Variants in FGF14 observed in about 807,000 individuals in gnomAD.
FGF14 encodes fibroblast growth factor homologous factor 4.
Under a neutral mutation model 25.5 loss-of-function variants are expected in FGF14, and 5 were observed. The ratio of observed to expected loss-of-function variants is 0.20; its 90% CI spans 0.10 to 0.41. The LOEUF is 0.41. Ranked by LOEUF, FGF14 falls within the 10% of genes least tolerant of loss-of-function variation. The pLI is 1.00. For synonymous variants in FGF14, 138 were observed against 118.3 expected (o/e 1.17, Z -1.08); for missense variants, 222 against 320.1 (o/e 0.69, Z 2.34).
At chr13:101,859,308 A>T (rs1415313864) in intron 3 of FGF14, among the ~76,000 whole-genome samples, 3 of 152,168 alleles carry the variant, frequency 2.0e-5, no homozygotes, top group Admixed American at 2.0e-4. Context: ...ATGGAATCAC[A>T]GATTCTGAGA....
chr13:102,122,101 T>C (rs1229534549), intron 1 of FGF14, among the ~76,000 whole-genome samples: 1 of 152,198 alleles, frequency 6.6e-6, no homozygotes, highest in Non-Finnish European at 1.5e-5. Context: ...TGGGATGTAT[T>C]TGCAATTAAA....
At chr13:101,842,870 C>G (rs1056189159) in intron 3 of FGF14, among the ~76,000 whole-genome samples, 7 of 152,020 alleles carry the variant, frequency 4.6e-5, no homozygotes, top group African/African-American at 1.7e-4. Context: ...TATAATTTAT[C>G]CTCCAAGCTG....
chr13:101,761,525 G>T (rs2038028532), intron 3 of FGF14, among the ~76,000 whole-genome samples: 1 of 152,158 alleles, frequency 6.6e-6, no homozygotes, highest in Admixed American at 6.5e-5. Flanking sequence ...ATGCAGAAAG[G>T]TCGACTATAG....
intron 1 of FGF14, among the ~76,000 whole-genome samples, chr13:102,129,548 T>C (rs1292410804): frequency 6.6e-6 from 1 of 152,162 alleles, no homozygotes; most frequent in Non-Finnish European, 1.5e-5. Context: ...GTATATTACA[T>C]GAGTATTTCC....
At chr13:102,027,425 C>G (rs7992716) in intron 1 of FGF14, among the ~76,000 whole-genome samples, 3,630 of 151,878 alleles carry the variant, frequency 0.024, 136 homozygotes, top group African/African-American at 0.081. Context: ...GATACATAAG[C>G]AAATTTCTTC....
chr13:102,360,882 C>G, intron 1 of FGF14, among the ~76,000 whole-genome samples: 1 of 152,084 alleles, frequency 6.6e-6, no homozygotes, highest in South Asian at 2.1e-4. Flanking sequence ...CACACACACA[C>G]ACATACACAC....
intron 1 of FGF14, among the ~76,000 whole-genome samples, chr13:102,207,423 T>C (rs1192428839): frequency 6.6e-6 from 1 of 151,556 alleles, no homozygotes; most frequent in Non-Finnish European, 1.5e-5. Flanking sequence ...CTCAGGGAAA[T>C]TGACAAAAAA....
At chr13:101,806,335 C>A (rs1215588465) in intron 3 of FGF14, among the ~76,000 whole-genome samples, 3 of 150,572 alleles carry the variant, frequency 2.0e-5, no homozygotes, top group Non-Finnish European at 4.4e-5. Flanking sequence ...AGGAGAATTG[C>A]TTGAATCTGG....
intron 1 of FGF14, among the ~76,000 whole-genome samples, chr13:101,903,502 G>A (rs2031839367): frequency 6.6e-6 from 1 of 151,982 alleles, no homozygotes; most frequent in South Asian, 2.1e-4. Flanking sequence ...ATAAATACTG[G>A]GAGGCATTAA....
Position 101,711,196 on chromosome 13 carries a change from A to G in FGF14, c.*11635T>C, listed in dbSNP as rs888958557. 21 of 152,220 alleles carry G rather than the reference A, an allele frequency of 1.4e-4. No homozygotes were observed. Among genetic ancestry groups the G allele is most frequent in the African/African-American group, 5.1e-4 (21 of 41,444 alleles). The allele number at this position is 152,220 out of a possible 1,614,324, so 9.4% of individuals were successfully genotyped here. Reference sequence around the variant, plus strand: ...ATTTATTTGGCTTCAAGACTACACAATTATATCTTTGCCTTGACTACTTCA... The same window carrying G: ...ATTTATTTGGCTTCAAGACTACACAGTTATATCTTTGCCTTGACTACTTCA... On this transcript the variant is annotated 3_prime_UTR_variant, in exon 5 of 5. Coordinates refer to ENST00000376143, the MANE Select transcript of FGF14 (RefSeq NM_004115.4).
rs1323005048 is a variant in FGF14 at position 101,850,543 on chromosome 13, A to C, written c.408+18182T>G. ...TTATATATTCTATATATATATATAT[A>C]TATATATAGAATTATATATTCTATA... On this transcript the variant is annotated intron_variant, in intron 3 of 4. Transcript: ENST00000376143. 1.9e-4 allele frequency among the ~76,000 whole-genome samples: 13 copies of C among 68,338 alleles called. 1 individual carries two copies. The highest frequency in any genetic ancestry group is 7.2e-4 in the African/African-American group (13 of 18,054). 44.8% of individuals were successfully genotyped at this position (68,338 alleles called of 152,430 possible). A position where few individuals can be genotyped will look rare whatever the true frequency, so the allele number is the denominator to read the frequency against.
chr13:101,801,943 G>A lies in FGF14; in HGVS notation c.408+66782C>T. ...CTGCTTGTGCTCTCTTTGTGCAGATGTGCAGAGAAGAACATAAAAAGAAAA... is the reference window on the plus strand; with the variant it reads ...CTGCTTGTGCTCTCTTTGTGCAGATATGCAGAGAAGAACATAAAAAGAAAA... On this transcript the variant is annotated intron_variant, in intron 3 of 4. Coordinates refer to ENST00000376143, the MANE Select transcript of FGF14 (RefSeq NM_004115.4). 6.4e-6 allele frequency: 3 copies of A among 471,860 alleles called. 1 individual carries two copies. Among genetic ancestry groups the A allele is most frequent in the South Asian group, 4.7e-5 (3 of 63,478 alleles). The allele number at this position is 471,860 out of a possible 1,614,324, so 29.2% of individuals were successfully genotyped here.
intron 1 of FGF14, among the ~76,000 whole-genome samples, chr13:101,962,418 C>A (rs34500643): frequency 6.6e-6 from 1 of 151,846 alleles, no homozygotes; most frequent in South Asian, 2.1e-4. Context: ...TGTATCCTGT[C>A]TCTCTTTTCT....
At chr13:102,232,198 C>T (rs922110103) in intron 1 of FGF14, among the ~76,000 whole-genome samples, 2 of 152,120 alleles carry the variant, frequency 1.3e-5, no homozygotes, top group African/African-American at 2.4e-5. Flanking sequence ...CTACAGTTAA[C>T]ATTAAATGTT....
At position 102,030,755 on chromosome 13, in the gene FGF14, A is replaced by G. The variant is rs72662490; in HGVS notation, c.209-155459T>C. ...CCTAGAGGAAAGGTGGCTGTGGGAG[A>G]AGGAGCTACAAACCTCCCTCCAGCT... On this transcript the variant is annotated intron_variant, in intron 1 of 4. Transcript: ENST00000376131. Among the ~76,000 whole-genome samples, 511 of 152,078 alleles carry G rather than the reference A, an allele frequency of 3.4e-3. 1 individual carries two copies. The highest frequency in any genetic ancestry group is 5.8e-3 in the Non-Finnish European group (393 of 67,948).
intron 3 of FGF14, among the ~76,000 whole-genome samples, chr13:101,741,297 T>C (rs1010741206): frequency 2.0e-5 from 3 of 152,036 alleles, no homozygotes; most frequent in Non-Finnish European, 4.4e-5. Flanking sequence ...GATCACACCA[T>C]TGCACTCCAG....
chr13:101,776,116 A>T (rs148058491), intron 3 of FGF14, among the ~76,000 whole-genome samples: 49 of 152,298 alleles, frequency 3.2e-4, no homozygotes, highest in Middle Eastern at 3.4e-3. Flanking sequence ...ACACATAGGT[A>T]TCCAGAAAAG....
chr13:101,751,629 C>T (rs1418451940), intron 3 of FGF14, among the ~76,000 whole-genome samples: 2 of 152,210 alleles, frequency 1.3e-5, no homozygotes, highest in South Asian at 2.1e-4. Context: ...GCCCTTAGGT[C>T]ATATACAGCC....
chr13:102,285,676 T>G (rs1292142561), intron 1 of FGF14, among the ~76,000 whole-genome samples: 1 of 152,242 alleles, frequency 6.6e-6, no homozygotes, highest in Non-Finnish European at 1.5e-5. Flanking sequence ...CCAAATAATA[T>G]CTTGATGCCT....
Sources: gnomAD v4.1 joint callset for allele counts (sites outside exome capture counted in the v4.1 genomes callset) on GRCh38, gnomAD v4.1.1 for gene constraint, MANE v1.5 for transcripts, NCBI Gene and HGNC (gene_info 2026-07-23, HGNC 2026-07-21) for gene names.